The following L3MBTL4 variants were observed in gnomAD, a reference collection of about 807,000 sequenced individuals.
The protein encoded by L3MBTL4 is lethal(3)malignant brain tumor-like protein 4.
L3MBTL4 carries 70 observed loss-of-function variants against 84.5 expected under a neutral mutation model. The observed-to-expected ratio is 0.83, with a 90% CI of 0.68 to 1.01. The LOEUF is 1.01. L3MBTL4 is among the 50% of genes least tolerant of loss of function. The probability of loss-of-function intolerance (pLI) is 0.00; values close to 1 mark genes in which losing one functional copy is unlikely to be tolerated. For missense variants in L3MBTL4, 715 were observed against 754.8 expected (o/e 0.95, Z 0.62); for synonymous variants, 274 against 259.8 (o/e 1.05, Z -0.52).
chr18:6,321,239 TA>T (rs1475895379), intron 1 of L3MBTL4, among the ~76,000 whole-genome samples: 13 of 152,120 alleles, frequency 8.5e-5, no homozygotes, highest in African/African-American at 2.4e-5. Flanking sequence ...GGGACCTAAT[TA>T]AACAAAAAAG....
chr18:6,109,494 C>T (rs1475352762), intron 14 of L3MBTL4, among the ~76,000 whole-genome samples: 2 of 152,148 alleles, frequency 1.3e-5, no homozygotes, highest in Non-Finnish European at 2.9e-5. Flanking sequence ...CCTTTGCTGG[C>T]CTGAGCACCC....
intron 16 of L3MBTL4, among the ~76,000 whole-genome samples, chr18:5,996,084 GAC>G (rs1040242524): frequency 1.2e-4 from 19 of 152,180 alleles, no homozygotes; most frequent in African/African-American, 4.3e-4. Flanking sequence ...GGAAACAAAA[GAC>G]ATCATTCTAT....
chr18:5,968,121 G>A (rs992622893), intron 17 of L3MBTL4, among the ~76,000 whole-genome samples: 1 of 152,206 alleles, frequency 6.6e-6, no homozygotes, highest in Admixed American at 6.5e-5. Flanking sequence ...GCCCAAGGCT[G>A]GGAAGGCGGA....
At chr18:6,265,003 GC>G (rs1199792463) in intron 4 of L3MBTL4, among the ~76,000 whole-genome samples, 4 of 152,284 alleles carry the variant, frequency 2.6e-5, no homozygotes, top group Non-Finnish European at 1.5e-5. Flanking sequence ...CCAGTAAATT[GC>G]TTTGTAGACA....
intron 1 of L3MBTL4, among the ~76,000 whole-genome samples, chr18:6,392,892 AGTG>A (rs1379816187): frequency 1.2e-4 from 18 of 152,290 alleles, no homozygotes; most frequent in African/African-American, 4.3e-4. Flanking sequence ...AGACATATAG[AGTG>A]GTATCAAGAA....
chr18:6,329,091 G>T (rs1197172230), intron 1 of L3MBTL4, among the ~76,000 whole-genome samples: 13 of 151,154 alleles, frequency 8.6e-5, no homozygotes, highest in Non-Finnish European at 1.5e-5. Context: ...AATCTTGATG[G>T]TTGTCCCACC....
At chr18:6,216,944 T>TA (rs1338343635) in intron 10 of L3MBTL4, among the ~76,000 whole-genome samples, 2 of 152,180 alleles carry the variant, frequency 1.3e-5, no homozygotes, top group African/African-American at 2.4e-5. Flanking sequence ...CAACAATTTT[T>TA]AAAAAACAGA....
intron 4 of L3MBTL4, among the ~76,000 whole-genome samples, chr18:6,284,999 G>C (rs945484759): frequency 1.5e-4 from 23 of 152,236 alleles, no homozygotes; most frequent in African/African-American, 5.1e-4. Context: ...TAAACAAGGC[G>C]TTGAGGGCAC....
intron 10 of L3MBTL4, among the ~76,000 whole-genome samples, chr18:6,224,086 A>G (rs1035196906): frequency 6.6e-6 from 1 of 152,192 alleles, no homozygotes; most frequent in Non-Finnish European, 1.5e-5. Flanking sequence ...ATAAAATAGT[A>G]CGAATATAAT....
chr18:5,992,529 C>A (rs1407093472), intron 16 of L3MBTL4, among the ~76,000 whole-genome samples: 2 of 152,136 alleles, frequency 1.3e-5, no homozygotes, highest in Non-Finnish European at 2.9e-5. Context: ...TGGATGCCTG[C>A]CCCCACCCAA....
intron 16 of L3MBTL4, among the ~76,000 whole-genome samples, chr18:6,016,673 C>A (rs1027905531): frequency 1.3e-5 from 2 of 152,212 alleles, no homozygotes; most frequent in Admixed American, 6.5e-5. Context: ...TACCACTCTG[C>A]ATGCTTGGCA....
At position 6,318,318 on chromosome 18, in the gene L3MBTL4, T is replaced by C. The variant is rs2051213926; in HGVS notation, c.-90-6262A>G. ...ACTTAAAAGATACAGATTGGCAGAATGGATAGAAAAATCATAAACCAAATA... is the reference window on the plus strand; with the variant it reads ...ACTTAAAAGATACAGATTGGCAGAACGGATAGAAAAATCATAAACCAAATA... On this transcript the variant is annotated intron_variant, in intron 1 of 18. Coordinates refer to ENST00000317931, the MANE Select transcript of L3MBTL4 (RefSeq NM_001330559.2). Among the ~76,000 whole-genome samples the C allele has an allele frequency of 1.3e-5, 2 of 151,816 alleles. 1 individual carries two copies. The highest frequency in any genetic ancestry group is 4.1e-4 in the South Asian group (2 of 4,826).
At chr18:6,068,775 G>C (rs552876880) in intron 16 of L3MBTL4, among the ~76,000 whole-genome samples, 10 of 152,318 alleles carry the variant, frequency 6.6e-5, no homozygotes, top group African/African-American at 2.2e-4. Flanking sequence ...TGTTGGGGTA[G>C]AGGTGTAGAC....
chr18:6,113,396 A>C (rs1166136457), intron 14 of L3MBTL4, among the ~76,000 whole-genome samples: 1 of 151,276 alleles, frequency 6.6e-6, no homozygotes, highest in South Asian at 2.1e-4. Flanking sequence ...TGAAAATGCT[A>C]CATTATATAA....
intron 13 of L3MBTL4, among the ~76,000 whole-genome samples, chr18:6,151,382 T>A (rs2042888018): frequency 6.6e-6 from 1 of 152,076 alleles, no homozygotes. Context: ...TACAATTAAT[T>A]TTTTTAATTT....
rs138973466 is a variant in L3MBTL4 at position 6,086,162 on chromosome 18, T to C, written c.1374-5211A>G. 1.7e-3 allele frequency among the ~76,000 whole-genome samples: 258 copies of C among 152,312 alleles called. 1 individual carries two copies. Among genetic ancestry groups the C allele is most frequent in the Middle Eastern group, 3.4e-3 (1 of 294 alleles). On this transcript the variant is annotated intron_variant, in intron 15 of 18. Coordinates refer to ENST00000317931, the MANE Select transcript of L3MBTL4 (RefSeq NM_001330559.2). ...TAAAGTCCCACTTTACTCTTTACAA[T>C]GAGTAAGAAATAATTATTTTCAAAC...
intron 14 of L3MBTL4, among the ~76,000 whole-genome samples, chr18:6,100,872 C>G (rs1321456038): frequency 6.6e-6 from 1 of 152,244 alleles, no homozygotes; most frequent in African/African-American, 2.4e-5. Context: ...GGACACTGCA[C>G]TACCACTGGA....
At chr18:6,366,871 G>T (rs1449916546) in intron 1 of L3MBTL4, among the ~76,000 whole-genome samples, 2 of 152,248 alleles carry the variant, frequency 1.3e-5, no homozygotes, top group Non-Finnish European at 2.9e-5. Flanking sequence ...ATTCGTGAAT[G>T]TATTGTATAC....
chr18:5,990,035 A>G lies in L3MBTL4; in HGVS notation c.1445-20473T>C, dbSNP rs1048638020. Among the ~76,000 whole-genome samples the G allele has an allele frequency of 2.0e-5, 3 of 152,172 alleles. No homozygotes were observed. The East Asian group carries it at 5.8e-4, about 29-fold the overall frequency. On this transcript the variant is annotated intron_variant, in intron 16 of 18. Coordinates refer to ENST00000317931, the MANE Select transcript of L3MBTL4 (RefSeq NM_001330559.2). ...TTGCGTTCTCTCCGGGATCCCTAAGAGTCCATCCTCAAGATAAGCAGGCTC... is the reference window on the plus strand; with the variant it reads ...TTGCGTTCTCTCCGGGATCCCTAAGGGTCCATCCTCAAGATAAGCAGGCTC...
Sources: allele counts gnomAD v4.1 joint callset (sites outside exome capture counted in the v4.1 genomes callset), GRCh38; gene constraint gnomAD v4.1.1; transcripts MANE v1.5; gene names NCBI Gene and HGNC (gene_info 2026-07-23, HGNC 2026-07-21).